LGI2: variants seen among roughly 807,000 people sequenced by gnomAD.
LGI2 encodes the protein leucine rich repeat LGI family member 2, also known as leucine-rich repeat LGI family member 2.
LGI2 carries 30 observed loss-of-function variants against 52.0 expected under a neutral mutation model. The observed-to-expected ratio is 0.58, with a 90% CI of 0.43 to 0.78. LGI2 has a LOEUF of 0.78. LGI2 is among the 30% of genes least tolerant of loss of function. The pLI, the probability that LGI2 is intolerant of heterozygous loss-of-function variation, is 0.00. For synonymous variants in LGI2, 270 were observed against 271.8 expected (o/e 0.99, Z 0.06); for missense variants, 573 against 692.5 (o/e 0.83, Z 1.94).
downstream of LGI2, among the ~76,000 whole-genome samples, chr4:24,997,629 T>C (rs555326678): frequency 6.6e-6 from 1 of 152,288 alleles, no homozygotes; most frequent in Non-Finnish European, 1.5e-5. Context: ...AGGTGGATGG[T>C]TGCTTATGGT....
Position 25,004,208 on chromosome 4 carries a change from G to A in LGI2, c.881C>T (p.Ala294Val). Reference sequence around the variant, plus strand: ...AATGTGAGAGCCACCGAAGAGCTGGGCTACCACCACAAAGACCTGATCATC... The same window carrying A: ...AATGTGAGAGCCACCGAAGAGCTGGACTACCACCACAAAGACCTGATCATC... Reference protein sequence around the residue: ...LIDDQVFVVVAQLFGGSHIYK... With the variant: ...LIDDQVFVVVVQLFGGSHIYK... The change falls in exon 8 of 8, where the codon GCC becomes GTC. Residue 294 changes from alanine (A) to valine (V), a missense_variant. Coordinates refer to ENST00000382114, the MANE Select transcript of LGI2 (RefSeq NM_018176.4). This position sits in a 1 kb window ranked among gnomAD's most constrained non-coding sequence, Gnocchi z 4.6. 6 of 1,614,134 alleles carry A rather than the reference G, an allele frequency of 3.7e-6. No homozygotes were observed. The highest frequency in any genetic ancestry group is 5.1e-6 in the Non-Finnish European group (6 of 1,180,040).
chr4:25,020,672 T>C (rs1041346793), intron 4 of LGI2, among the ~76,000 whole-genome samples: 14 of 152,214 alleles, frequency 9.2e-5, no homozygotes, highest in Non-Finnish European at 2.1e-4. Flanking sequence ...GAAATGACTC[T>C]TCCTACCTAG....
At chr4:24,994,655 G>T (rs541263861), downstream of LGI2, among the ~76,000 whole-genome samples, 2 of 152,072 alleles carry the variant, frequency 1.3e-5, no homozygotes, top group African/African-American at 4.8e-5. Context: ...TTCGGGGGTC[G>T]GTGTTAGGAA....
In LGI2 at chr4:25,018,875, T is replaced by A. The variant is rs1178397804; in HGVS notation, c.485+292A>T. ...AGACTACATCTAAAAAAAAAAAAAATACATCCAGTAAGAAGCAATGATAGA... is the reference window on the plus strand; with the variant it reads ...AGACTACATCTAAAAAAAAAAAAAAAACATCCAGTAAGAAGCAATGATAGA... On this transcript the variant is annotated intron_variant, in intron 5 of 7. Transcript: ENST00000382114. Among the ~76,000 whole-genome samples the A allele has an allele frequency of 6.7e-5, 10 of 149,020 alleles. No individual in the cohort carries two copies. The East Asian group carries it at 1.8e-3, about 26-fold the overall frequency.
At chr4:25,007,967 T>C (rs1725446693) in intron 7 of LGI2, among the ~76,000 whole-genome samples, 1 of 152,204 alleles carries the variant, frequency 6.6e-6, no homozygotes, top group Non-Finnish European at 1.5e-5. Context: ...ATTTACCTTG[T>C]TCTTCTTGAA....
At chr4:25,030,069 A>T (rs980388970) in intron 1 of LGI2, among the ~76,000 whole-genome samples, 2 of 149,030 alleles carry the variant, frequency 1.3e-5, no homozygotes, top group South Asian at 4.4e-4. Flanking sequence ...GCACGCCCCT[A>T]CACACACAAC....
rs775612834 is a variant in LGI2, at chr4:25,012,435, G to A, written c.720C>T (p.Asn240=). The stretch of plus-strand genomic sequence containing the variant: ...GCTGCGCGATGGCCACGTACACATC[G>A]TTCTTGGAGTTGAACGTATCCACTG... ...SVSVDTFNSK[N]DVYVAIAQPS... is the part of the protein sequence containing the mutation. The change falls in exon 7 of 8, where the codon AAC becomes AAT. Residue 240 remains asparagine (N), a synonymous_variant. Transcript: ENST00000382114. 72 of 1,614,232 alleles carry A rather than the reference G, an allele frequency of 4.5e-5. 1 individual carries two copies. The highest frequency in any genetic ancestry group is 3.6e-4 in the East Asian group (16 of 44,884).
chr4:25,017,897 A>T (rs1410086303), intron 6 of LGI2, 92 bp downstream of exon 6: 140 of 1,133,164 alleles, frequency 1.2e-4, no homozygotes, highest in Non-Finnish European at 1.6e-4. Flanking sequence ...ACAGTTCTAT[A>T]TTCACTTTTC....
At chr4:24,992,956 G>A in the LGI2 span, among the ~76,000 whole-genome samples, 1 of 152,210 alleles carries the variant, frequency 6.6e-6, no homozygotes, top group African/African-American at 2.4e-5. Flanking sequence ...TAGCCCAGTG[G>A]ATAAGGGCAC....
At chr4:24,996,112 A>T (rs1447416472), downstream of LGI2, among the ~76,000 whole-genome samples, 1 of 152,196 alleles carries the variant, frequency 6.6e-6, no homozygotes, top group Non-Finnish European at 1.5e-5. Flanking sequence ...GGGGTACCGT[A>T]AAGATCAGAA....
chr4:25,018,873 AAT>A (rs112238961), intron 5 of LGI2, among the ~76,000 whole-genome samples: 1 of 151,566 alleles, frequency 6.6e-6, no homozygotes, highest in African/African-American at 2.4e-5. Flanking sequence ...AAAAAAAAAA[AAT>A]ACATCCAGTA....
intron 4 of LGI2, among the ~76,000 whole-genome samples, chr4:25,021,138 G>A (rs1004752270): frequency 9.3e-5 from 14 of 149,988 alleles, no homozygotes; most frequent in Admixed American, 2.0e-4. Flanking sequence ...GTTTAGCAAC[G>A]TTCCAAGTGT....
At chr4:25,024,930 T>G in intron 3 of LGI2, 39 bp from the exon 4 acceptor site, 4 of 1,329,008 alleles carry the variant, frequency 3.0e-6, no homozygotes, top group Non-Finnish European at 4.2e-6. Context: ...GAATTTTCTC[T>G]CCTTAGTATC....
rs181054534 is a variant in LGI2 at position 25,007,950 on chromosome 4, G to C, written c.821-3682C>G. On this transcript the variant is annotated intron_variant, in intron 7 of 7. Transcript: ENST00000382114. ...TGTGCACAGCACAGGGAGGGAGAAT[G>C]GTCCACATTTACCTTGTTCTTCTTG... 2.3e-3 allele frequency among the ~76,000 whole-genome samples: 351 copies of C among 152,318 alleles called. 2 individuals are homozygous for C. The highest frequency in any genetic ancestry group is 7.8e-3 in the African/African-American group (324 of 41,572).
chr4:25,022,339 G>A (rs1725997193), intron 4 of LGI2, among the ~76,000 whole-genome samples: 1 of 152,210 alleles, frequency 6.6e-6, no homozygotes, highest in Non-Finnish European at 1.5e-5. Flanking sequence ...TCCCGGGCAA[G>A]GGAAAGGATG....
At position 25,003,367 on chromosome 4, in the gene LGI2, G is replaced by T; in HGVS notation, c.*84C>A. 2.1e-6 allele frequency: 2 copies of T among 965,158 alleles called. No individual in the cohort carries two copies. Among genetic ancestry groups the T allele is most frequent in the Non-Finnish European group, 1.5e-6 (1 of 653,610 alleles). 59.8% of individuals were successfully genotyped at this position (965,158 alleles called of 1,614,324 possible). A position where few individuals can be genotyped will look rare whatever the true frequency, so the allele number is the denominator to read the frequency against. ...TTTTTAATTTCAGAGCTCTGAGCCTGGCTTTGATTTGTTTGTTGATTTTTC... is the reference window on the plus strand; with the variant it reads ...TTTTTAATTTCAGAGCTCTGAGCCTTGCTTTGATTTGTTTGTTGATTTTTC... On this transcript the variant is annotated 3_prime_UTR_variant, in exon 8 of 8. Coordinates refer to ENST00000382114, the MANE Select transcript of LGI2 (RefSeq NM_018176.4).
chr4:24,997,073 TAA>T (rs1725103238), downstream of LGI2, among the ~76,000 whole-genome samples: 1 of 152,032 alleles, frequency 6.6e-6, no homozygotes, highest in African/African-American at 2.4e-5. Flanking sequence ...GCCAAGAGGG[TAA>T]GGTTTGTCCA....
At chr4:25,023,429 C>T (rs1726039163) in intron 4 of LGI2, among the ~76,000 whole-genome samples, 1 of 152,220 alleles carries the variant, frequency 6.6e-6, no homozygotes, top group Non-Finnish European at 1.5e-5. Context: ...ACTATGCTGA[C>T]ACAGATGTTT....
rs1725856532 is a variant in LGI2 at position 25,018,848 on chromosome 4, C to A, written c.485+319G>T. On this transcript the variant is annotated intron_variant, in intron 5 of 7. Coordinates refer to ENST00000382114, the MANE Select transcript of LGI2 (RefSeq NM_018176.4). ...TTTCACTCTAGCCTGGGCAACAGAG[C>A]AAGACTACATCTAAAAAAAAAAAAA... 2.0e-5 allele frequency among the ~76,000 whole-genome samples: 3 copies of A among 149,714 alleles called. No homozygotes were observed. The South Asian group carries it at 6.3e-4, about 31-fold the overall frequency.
Sources: allele counts gnomAD v4.1 joint callset (sites outside exome capture counted in the v4.1 genomes callset), GRCh38; gene constraint gnomAD v4.1.1; non-coding constraint Gnocchi (gnomAD v3.1); transcripts MANE v1.5; gene names NCBI Gene and HGNC (gene_info 2026-07-23, HGNC 2026-07-21).